The following RAB28 variants were observed in gnomAD, a reference collection of about 807,000 sequenced individuals.
RAB28 encodes the protein RAB28, member RAS oncogene family, also known as ras-related protein Rab-28.
RAB28 carries 24 observed loss-of-function variants against 31.7 expected under a neutral mutation model. That is an observed-to-expected ratio of 0.76 (90% CI 0.55 to 1.06). The LOEUF (loss-of-function observed/expected upper bound fraction) is 1.06. RAB28 is among the 50% of genes least tolerant of loss of function. The probability of loss-of-function intolerance (pLI) is 0.00; values close to 1 mark genes in which losing one functional copy is unlikely to be tolerated. For synonymous variants in RAB28, 100 were observed against 90.4 expected (o/e 1.11, Z -0.60); for missense variants, 254 against 258.5 (o/e 0.98, Z 0.12).
intron 6 of RAB28, chr4:13,369,805 A>G: frequency 7.0e-7 from 1 of 1,426,468 alleles, no homozygotes; most frequent in Non-Finnish European, 9.4e-7. Flanking sequence ...GGAATAAAGA[A>G]CAAGATAGCA....
chr4:13,444,687 G>A (rs943895924), intron 4 of RAB28, among the ~76,000 whole-genome samples: 1 of 152,188 alleles, frequency 6.6e-6, no homozygotes, highest in Non-Finnish European at 1.5e-5. Context: ...TTTGATAACA[G>A]CCATCTAAGA....
intron 4 of RAB28, among the ~76,000 whole-genome samples, chr4:13,418,546 C>T (rs7667995): frequency 0.011 from 1,707 of 152,296 alleles, 32 homozygotes; most frequent in African/African-American, 0.039. Context: ...CAGCTAACAG[C>T]GGATCTCTTG....
intron 4 of RAB28, among the ~76,000 whole-genome samples, chr4:13,425,014 C>T (rs1713395952): frequency 6.6e-6 from 1 of 152,200 alleles, no homozygotes; most frequent in Non-Finnish European, 1.5e-5. Flanking sequence ...TCTAATCTGG[C>T]TTTTATTTTC....
intron 4 of RAB28, among the ~76,000 whole-genome samples, chr4:13,444,220 G>T (rs1053299412): frequency 2.0e-5 from 3 of 151,772 alleles, no homozygotes; most frequent in African/African-American, 7.3e-5. Context: ...GTAGAGACGG[G>T]GTTTCACCGT....
At chr4:13,384,421 A>G (rs1577158564) in intron 4 of RAB28, among the ~76,000 whole-genome samples, 2 of 152,172 alleles carry the variant, frequency 1.3e-5, no homozygotes, top group Non-Finnish European at 2.9e-5. Flanking sequence ...GACAAATCCC[A>G]CTGCCGCTGC....
At chr4:13,460,909 A>C (rs1322601997) in intron 3 of RAB28, 81 bp from the exon 4 acceptor site, 1 of 1,310,856 alleles carries the variant, frequency 7.6e-7, no homozygotes, top group Non-Finnish European at 1.1e-6. Context: ...AATGCTTCAG[A>C]TATGTCAAAA....
rs1281702862 is a variant in RAB28 at position 13,376,635 on chromosome 4, A to T, written c.496-13T>A. 1 of 1,556,628 alleles carries T rather than the reference A, an allele frequency of 6.4e-7. No individual in the cohort carries two copies. The highest frequency in any genetic ancestry group is 8.7e-7 in the Non-Finnish European group (1 of 1,148,486). ...AGCACAGGAAGACCTACATAACAAA[A>T]ATGGGTTTAAATGATTTAAAAGAGG... On this transcript the variant is annotated splice_polypyrimidine_tract_variant and intron_variant, in intron 5 of 6. Transcript: ENST00000330852.
At chr4:13,438,518 C>T (rs1015419434) in intron 4 of RAB28, among the ~76,000 whole-genome samples, 1 of 152,132 alleles carries the variant, frequency 6.6e-6, no homozygotes, top group Non-Finnish European at 1.5e-5. Context: ...TAAATAGAAT[C>T]ATGAAATACA....
At chr4:13,411,597 C>G (rs1025042194) in intron 4 of RAB28, among the ~76,000 whole-genome samples, 1 of 151,986 alleles carries the variant, frequency 6.6e-6, no homozygotes, top group African/African-American at 2.4e-5. Context: ...AGGGAAATTC[C>G]AAATTACATA....
At chr4:13,370,166 G>A in intron 6 of RAB28, 1 of 981,036 alleles carries the variant, frequency 1.0e-6, no homozygotes, top group Non-Finnish European at 1.2e-6. Flanking sequence ...GAAAGAAAAG[G>A]AAAGGAACAA....
intron 4 of RAB28, among the ~76,000 whole-genome samples, chr4:13,428,813 T>C (rs11737054): frequency 0.056 from 8,507 of 151,828 alleles, 544 homozygotes; most frequent in African/African-American, 0.16. Flanking sequence ...AAATTCCAAG[T>C]AGGATAAACT....
chr4:13,432,030 CAATACA>C (rs1193555621), intron 4 of RAB28, among the ~76,000 whole-genome samples: 2 of 151,826 alleles, frequency 1.3e-5, no homozygotes, highest in Admixed American at 1.3e-4. Context: ...AGCTGAAATC[CAATACA>C]AAGAAACCAG....
At chr4:13,403,335 T>TG (rs1329803270) in intron 4 of RAB28, among the ~76,000 whole-genome samples, 2 of 152,206 alleles carry the variant, frequency 1.3e-5, no homozygotes, top group Non-Finnish European at 2.9e-5. Flanking sequence ...AAACAGGTCA[T>TG]GGGTCATAGT....
chr4:13,443,020 C>T (rs1714505405), intron 4 of RAB28, among the ~76,000 whole-genome samples: 1 of 152,152 alleles, frequency 6.6e-6, no homozygotes, highest in Non-Finnish European at 1.5e-5. Flanking sequence ...TAGGAAATTA[C>T]AATTTCTCAT....
chr4:13,370,444 A>G, intron 6 of RAB28: 1 of 785,532 alleles, frequency 1.3e-6, no homozygotes. Context: ...GGCGACTTAC[A>G]CAGAATCTAT....
intron 4 of RAB28, among the ~76,000 whole-genome samples, chr4:13,450,724 T>C (rs997854978): frequency 6.6e-6 from 1 of 151,776 alleles, no homozygotes; most frequent in Non-Finnish European, 1.5e-5. Flanking sequence ...GGTGGCTCCT[T>C]TAGAACGAAA....
intron 2 of RAB28, among the ~76,000 whole-genome samples, chr4:13,478,116 A>T (rs973746373): frequency 6.6e-5 from 10 of 151,624 alleles, no homozygotes; most frequent in African/African-American, 2.4e-5. Context: ...AGCTTCCAGC[A>T]TCTGTATTAT....
intron 4 of RAB28, among the ~76,000 whole-genome samples, chr4:13,456,417 T>A (rs2108956316): frequency 6.6e-6 from 1 of 152,326 alleles, no homozygotes; most frequent in East Asian, 1.9e-4. Context: ...TACTGGGCAC[T>A]TACTATGCAA....
rs142668732 is a variant in RAB28 at position 13,447,465 on chromosome 4, T to C, written c.391+13234A>G. 8.3e-3 allele frequency among the ~76,000 whole-genome samples: 1,268 copies of C among 151,872 alleles called. 46 individuals carry two copies. In the East Asian group the frequency reaches 0.12, roughly 14 times the overall value. ...ACCTTGGGATAATAAATTTCTGTTA[T>C]AAAAAAAAGAGAGAGAGAGAGAAAG... On this transcript the variant is annotated intron_variant, in intron 4 of 6. Transcript: ENST00000330852.
Sources: gnomAD v4.1 joint callset for allele counts (sites outside exome capture counted in the v4.1 genomes callset) on GRCh38, gnomAD v4.1.1 for gene constraint, MANE v1.5 for transcripts, NCBI Gene and HGNC (gene_info 2026-07-23, HGNC 2026-07-21) for gene names.